G6PD: variants seen among roughly 807,000 people sequenced by gnomAD.
The protein encoded by G6PD is glucose-6-phosphate dehydrogenase.
G6PD carries 2 observed loss-of-function variants against 38.2 expected under a neutral mutation model. The ratio of observed to expected loss-of-function variants is 0.05; its 90% CI spans 0.02 to 0.16. The LOEUF (loss-of-function observed/expected upper bound fraction) is 0.16, where lower values mean the gene tolerates loss of function less well. Among genes scored for constraint, G6PD ranks in the 10% least tolerant of loss-of-function variants. The pLI, the probability that G6PD is intolerant of heterozygous loss-of-function variation, is 1.00. For missense variants in G6PD, 310 were observed against 471.6 expected (o/e 0.66, Z 3.17); for synonymous variants, 188 against 196.0 (o/e 0.96, Z 0.34).
intron 2 of G6PD, among the ~76,000 whole-genome samples, chrX:154,544,564 G>A (rs2070637283): frequency 8.9e-6 from 1 of 112,614 alleles, no homozygotes; most frequent in South Asian, 3.5e-4. Context: ...CAAAGTGCTG[G>A]GAATACAGGC....
At chrX:154,544,367 G>A (rs1389593137) in intron 2 of G6PD, among the ~76,000 whole-genome samples, 2 of 104,405 alleles carry the variant, frequency 1.9e-5, no homozygotes, top group South Asian at 8.2e-4. Context: ...TCACCATGTT[G>A]GCCAGGATGG....
chrX:154,534,331 G>A lies in G6PD; in HGVS notation c.644+7C>T, dbSNP rs2070379598. On this transcript the variant is annotated splice_region_variant and intron_variant, in intron 6 of 12. Coordinates refer to ENST00000393562, the MANE Select transcript of G6PD (RefSeq NM_001360016.2). ...ACCCTGGTCCCCCGGCCCAGGCTTG[G>A]CCCCACCTCAGCACCATGAGGTTCT... The A allele has an allele frequency of 3.3e-6, 4 of 1,209,172 alleles. No individual in the cohort carries two copies. In the South Asian group the frequency reaches 5.3e-5, roughly 16 times the overall value.
At chrX:154,534,632 T>C in intron 5 of G6PD, 136 bp from the exon 6 acceptor site, 1 of 733,336 alleles carries the variant, frequency 1.4e-6, no homozygotes. Flanking sequence ...CTCCCGTGCC[T>C]TGTGTTCCCA....
In G6PD at chrX:154,534,440, T is replaced by A. The variant is rs5030872; in HGVS notation, c.542A>T (p.Asp181Val). ...GGAGGAGATGTGGTTGGACAGCCGG[T>A]CAGAGCTCTGCAGGTCCCTCCCGAA... Reference protein sequence around the residue: ...KPFGRDLQSSDRLSNHISSLF... With the variant: ...KPFGRDLQSSVRLSNHISSLF... The change falls in exon 6 of 13, where the codon GAC becomes GTC. Residue 181 changes from aspartate to valine, a missense_variant. By Grantham distance (152) the Asp-to-Val change is radical. Transcript: ENST00000393562. 94 of 1,209,769 alleles carry A rather than the reference T, an allele frequency of 7.8e-5. No individual in the cohort carries two copies. In the African/African-American group the frequency reaches 1.1e-3, roughly 14 times the overall value.
chrX:154,535,594 G>A, intron 4 of G6PD: 1 of 464,472 alleles, frequency 2.2e-6, no homozygotes, highest in Non-Finnish European at 3.8e-6. Context: ...AGGCAGCACA[G>A]ACACTGCCCC....
Position 154,533,572 on chromosome X carries a change from C to G in G6PD, c.864+4G>C, listed in dbSNP as rs781963210. 8.3e-7 allele frequency: 1 copy of G among 1,212,102 alleles called. No individual in the cohort carries two copies. The highest frequency in any genetic ancestry group is 1.8e-5 in the South Asian group (1 of 57,013). On this transcript the variant is annotated splice_donor_region_variant and intron_variant, in intron 8 of 12. Coordinates refer to ENST00000393562, the MANE Select transcript of G6PD (RefSeq NM_001360016.2). ...GCTCCTGGGGACTGGGGTGCACCCC[C>G]TACCTTCTCATCACGGACGTCATCT...
upstream of G6PD, chrX:154,546,987 T>A (rs1557233696): frequency 3.9e-6 from 1 of 253,324 alleles, no homozygotes; most frequent in Non-Finnish European, 6.5e-6. Context: ...CGAGGGCAGG[T>A]GCGCGCGCAT....
chrX:154,532,171 CCCCA>C lies in G6PD; in HGVS notation c.1457+13_1457+16del. On this transcript the variant is annotated intron_variant, in intron 12 of 12. Transcript: ENST00000393562. Reference sequence around the variant, plus strand: ...CTGCCCGCTGGGCTCTGTCCCCAGCCCCCACCCTTTCCTCACCTGCCATAAATAT... The same window carrying C: ...CTGCCCGCTGGGCTCTGTCCCCAGCCCCCTTTCCTCACCTGCCATAAATAT... 8.3e-7 allele frequency: 1 copy of C among 1,207,775 alleles called. No individual in the cohort carries two copies. Among genetic ancestry groups the C allele is most frequent in the Middle Eastern group, 2.3e-4 (1 of 4,279 alleles).
At chrX:154,541,824 A>G (rs1473111819) in intron 2 of G6PD, among the ~76,000 whole-genome samples, 2 of 112,429 alleles carry the variant, frequency 1.8e-5, no homozygotes, top group Non-Finnish European at 3.8e-5. Context: ...TGTCTGTTTT[A>G]TAAACCGAAA....
intron 7 of G6PD, 117 bp downstream of exon 7, chrX:154,533,918 T>C: frequency 1.7e-6 from 2 of 1,202,068 alleles, no homozygotes; most frequent in Non-Finnish European, 2.2e-6. Flanking sequence ...CTCAGACACT[T>C]AGGTTTTGAA....
In G6PD at chrX:154,535,826, A is replaced by AG. The variant is rs1236740317; in HGVS notation, c.267+110dup. ...ACGAGAGCAGGCGGGGCGGGGCAGG[A>AG]GAGGAGGAGAGCATCCCGGGATGGG... On this transcript the variant is annotated intron_variant, in intron 4 of 12. Transcript: ENST00000393562. 22 of 608,559 alleles carry AG rather than the reference A, an allele frequency of 3.6e-5. No homozygotes were observed. In the African/African-American group the frequency reaches 4.8e-4, roughly 13 times the overall value. 50.2% of individuals were successfully genotyped at this position (608,559 alleles called of 1,213,427 possible). A position where few individuals can be genotyped will look rare whatever the true frequency, so the allele number is the denominator to read the frequency against.
chrX:154,533,486 C>T, intron 8 of G6PD, 90 bp downstream of exon 8: 3 of 1,110,356 alleles, frequency 2.7e-6, no homozygotes, highest in Non-Finnish European at 3.7e-6. Flanking sequence ...GTTGAGGACA[C>T]CTGCTCTGCA....
chrX:154,545,856 AG>A, intron 2 of G6PD, 179 bp downstream of exon 2: 1 of 460,798 alleles, frequency 2.2e-6, no homozygotes, highest in Non-Finnish European at 3.6e-6. Flanking sequence ...AAAAAAAAAA[AG>A]TCTTGCAAGT....
chrX:154,542,230 T>C (rs1557232077), intron 2 of G6PD: 2 of 957,505 alleles, frequency 2.1e-6, no homozygotes. Context: ...CACAGGCCCA[T>C]CATTGGGATG....
chrX:154,536,188 A>T lies in G6PD; in HGVS notation c.121-10T>A. On this transcript the variant is annotated splice_polypyrimidine_tract_variant and intron_variant, in intron 2 of 12. Coordinates refer to ENST00000393562, the MANE Select transcript of G6PD (RefSeq NM_001360016.2). ...TCTTGGCCAGGTCACCCTGTGGCAG[A>T]GGGAACAGGTGTGTGGTTAGAAGTG... 1.7e-6 allele frequency: 2 copies of T among 1,210,512 alleles called. No homozygotes were observed. Among genetic ancestry groups the T allele is most frequent in the Non-Finnish European group, 2.2e-6 (2 of 894,322 alleles).
At chrX:154,547,466 A>C (rs1557233915), upstream of G6PD, 2 of 754,145 alleles carry the variant, frequency 2.7e-6, no homozygotes, top group African/African-American at 4.6e-5. Context: ...GCTTATCATT[A>C]CCGAGCTTCC....
At chrX:154,543,061 C>T (rs184623935) in intron 2 of G6PD, among the ~76,000 whole-genome samples, 16 of 112,248 alleles carry the variant, frequency 1.4e-4, no homozygotes, top group African/African-American at 4.9e-4. Context: ...CCGAGTGAGG[C>T]ATCAGGCGTG....
intron 2 of G6PD, among the ~76,000 whole-genome samples, chrX:154,536,853 T>C (rs1229624619): frequency 9.1e-6 from 1 of 110,360 alleles, no homozygotes; most frequent in Non-Finnish European, 1.9e-5. Flanking sequence ...GAGAAAAAGA[T>C]AGAACTGCAA....
intron 8 of G6PD, chrX:154,533,347 G>A: frequency 2.0e-6 from 1 of 500,081 alleles, no homozygotes. Context: ...GAGGCCCAGA[G>A]AGGCAATGGC....
Sources: gnomAD v4.1 joint callset for allele counts (sites outside exome capture counted in the v4.1 genomes callset) on GRCh38, gnomAD v4.1.1 for gene constraint, MANE v1.5 for transcripts, NCBI Gene and HGNC (gene_info 2026-07-23, HGNC 2026-07-21) for gene names.